Variants in CIP2A observed in about 807,000 individuals in gnomAD.
CIP2A encodes the protein protein CIP2A.
A neutral mutation model predicts 110.9 loss-of-function variants in CIP2A; 103 were observed. The ratio of observed to expected loss-of-function variants is 0.93; its 90% CI spans 0.79 to 1.09. CIP2A has a LOEUF of 1.09. Ranked by LOEUF, CIP2A falls within the 50% of genes least tolerant of loss-of-function variation. The pLI is 0.00. For synonymous variants in CIP2A, 381 were observed against 361.6 expected, an observed-to-expected ratio of 1.05 and a Z score of -0.61; for missense variants, 1,088 against 1,038.4, an observed-to-expected ratio of 1.05 and a Z score of -0.66.
intron 19 of CIP2A, among the ~76,000 whole-genome samples, chr3:108,553,199 C>T (rs1042467512): frequency 2.3e-5 from 3 of 130,528 alleles, no homozygotes; most frequent in South Asian, 2.4e-4. Context: ...GTGAACATAG[C>T]TCACTGCAGC....
chr3:108,567,964 GAA>G (rs943281397), intron 10 of CIP2A, among the ~76,000 whole-genome samples, 189 bp downstream of exon 10: 1 of 151,094 alleles, frequency 6.6e-6, no homozygotes, highest in East Asian at 1.9e-4. Flanking sequence ...GAAAAATAAG[GAA>G]AAAAAATCAT....
chr3:108,552,521 C>A, intron 19 of CIP2A, 148 bp from the exon 20 acceptor site: 1 of 449,860 alleles, frequency 2.2e-6, no homozygotes, highest in Non-Finnish European at 3.8e-6. Flanking sequence ...TAGAAAATAC[C>A]AAATCTCCAT....
chr3:108,569,730 T>A (rs1318986175), intron 8 of CIP2A, 123 bp from the exon 9 acceptor site: 8 of 730,778 alleles, frequency 1.1e-5, no homozygotes, highest in Non-Finnish European at 1.8e-5. Flanking sequence ...AAAACTTAAG[T>A]TTTTTCTTTC....
chr3:108,581,274 G>T, intron 5 of CIP2A, 141 bp downstream of exon 5: 1 of 618,912 alleles, frequency 1.6e-6, no homozygotes, highest in South Asian at 2.2e-5. Context: ...ATGTCAATCT[G>T]ACTCTTAATT....
chr3:108,577,149 T>G (rs187464020), intron 7 of CIP2A, among the ~76,000 whole-genome samples: 2 of 152,312 alleles, frequency 1.3e-5, no homozygotes, highest in East Asian at 3.9e-4. Context: ...AAGTTCTATT[T>G]ATTGTCTGAT....
At chr3:108,576,548 CATTT>C (rs1194083143) in intron 7 of CIP2A, among the ~76,000 whole-genome samples, 1 of 152,078 alleles carries the variant, frequency 6.6e-6, no homozygotes, top group Non-Finnish European at 1.5e-5. Context: ...TTGGCTGTGT[CATTT>C]ATTAAAACAT....
intron 9 of CIP2A, 74 bp downstream of exon 9, chr3:108,569,315 G>C: frequency 9.4e-7 from 1 of 1,069,004 alleles, no homozygotes; most frequent in Non-Finnish European, 1.4e-6. Context: ...AGTTTACAAA[G>C]AATGTTTTTG....
rs749575968 is a variant in CIP2A at position 108,568,285 on chromosome 3, C to A, written c.1143G>T (p.Ser381=). ...EDVIDAANCS[S]ADRFVTLLLP... is the part of the protein sequence containing the mutation. ...GCAGAAGGGTCACAAAACGATCAGCCGAGGAACAGTTAGCAGCATCTATGA... is the reference window on the plus strand; with the variant it reads ...GCAGAAGGGTCACAAAACGATCAGCAGAGGAACAGTTAGCAGCATCTATGA... Residue 381 remains serine (S), a synonymous_variant, in exon 10 of 21, where the codon TCG becomes TCT. Coordinates refer to ENST00000295746, the MANE Select transcript of CIP2A (RefSeq NM_020890.3). 1 of 1,611,816 alleles carries A rather than the reference C, an allele frequency of 6.2e-7. No homozygotes were observed. The highest frequency in any genetic ancestry group is 1.7e-5 in the Admixed American group (1 of 59,824).
At chr3:108,577,151 T>C (rs1455600407) in intron 7 of CIP2A, among the ~76,000 whole-genome samples, 2 of 152,178 alleles carry the variant, frequency 1.3e-5, no homozygotes, top group Non-Finnish European at 2.9e-5. Flanking sequence ...GTTCTATTTA[T>C]TGTCTGATAT....
chr3:108,557,466 T>G (rs371371183), intron 16 of CIP2A, 52 bp from the exon 17 acceptor site: 494 of 1,330,550 alleles, frequency 3.7e-4, no homozygotes, highest in Non-Finnish European at 4.5e-4. Flanking sequence ...TATCATATGC[T>G]CAACACATAC....
rs1937981741 is a variant in CIP2A, at chr3:108,560,803, T to G, written c.1673A>C (p.Gln558Pro). 1 of 1,611,342 alleles carries G rather than the reference T, an allele frequency of 6.2e-7. No homozygotes were observed. The change falls in exon 14 of 21, where the codon CAA becomes CCA. Residue 558 changes from glutamine (Q) to proline (P), a missense_variant. Coordinates refer to ENST00000295746, the MANE Select transcript of CIP2A (RefSeq NM_020890.3). ...ESIAANNAYRQQETEHIPRKM... is the reference protein window; with the variant it reads ...ESIAANNAYRPQETEHIPRKM... ...TCTGGGTATATGTTCTGTTTCCTGT[T>G]GTCTATAGGCATTGTTTGCTGCTAT...
At position 108,559,886 on chromosome 3, in the gene CIP2A, T is replaced by C. The variant is rs1334377259; in HGVS notation, c.1903-19A>G. 3.1e-6 allele frequency: 5 copies of C among 1,594,730 alleles called. No individual in the cohort carries two copies. Among genetic ancestry groups the C allele is most frequent in the South Asian group, 1.1e-5 (1 of 89,356 alleles). ...CTTTGGACTACAAGAAAACATATCA[T>C]TAATTTTCATTTTAGGAATACATCT... On this transcript the variant is annotated intron_variant, in intron 15 of 20. Transcript: ENST00000295746.
At position 108,560,707 on chromosome 3, in the gene CIP2A, T is replaced by C; in HGVS notation, c.1769A>G (p.Asp590Gly). ...TTCAATATTCAATCCAGGAACACCA[T>C]CTTTCAAATGAGGAGTTAAACACTT... ...SIKCLTPHLK[D>G]GVPGLNIEEL... The change falls in exon 14 of 21, where the codon GAT becomes GGT. Residue 590 changes from aspartate to glycine, a missense_variant. Transcript: ENST00000295746. The C allele has an allele frequency of 6.2e-7, 1 of 1,611,070 alleles. No individual in the cohort carries two copies. The highest frequency in any genetic ancestry group is 8.5e-7 in the Non-Finnish European group (1 of 1,178,626).
At position 108,583,059 on chromosome 3, in the gene CIP2A, C is replaced by T. The variant is rs1344585123; in HGVS notation, c.275G>A (p.Cys92Tyr). The change falls in exon 3 of 21, where the codon TGT becomes TAT. Residue 92 changes from cysteine to tyrosine, a missense_variant. Physicochemically the swap from Cys to Tyr is radical, Grantham distance 194. Coordinates refer to ENST00000295746, the MANE Select transcript of CIP2A (RefSeq NM_020890.3). ...ATTCAGATTATATGTATTCTGAAGA[C>T]AATCTCTGGTTTCAATGTCTACTGC... ...QLAVDIETRD[C>Y]LQNTYNLNSV... 2.5e-6 allele frequency: 4 copies of T among 1,598,196 alleles called. No homozygotes were observed. Among genetic ancestry groups the T allele is most frequent in the Non-Finnish European group, 3.4e-6 (4 of 1,171,906 alleles).
chr3:108,564,789 T>C (rs1010337506), intron 12 of CIP2A, among the ~76,000 whole-genome samples: 1 of 151,926 alleles, frequency 6.6e-6, no homozygotes, highest in Admixed American at 6.6e-5. Flanking sequence ...TTTTATAGAA[T>C]GAGGCTGCCA....
intron 8 of CIP2A, among the ~76,000 whole-genome samples, chr3:108,570,497 G>A (rs1358904447): frequency 6.6e-6 from 1 of 152,076 alleles, no homozygotes; most frequent in Non-Finnish European, 1.5e-5. Flanking sequence ...AAACCTAGAT[G>A]GTAGAGCCTA....
In CIP2A at chr3:108,573,500, T is replaced by C. The variant is rs150639421; in HGVS notation, c.894+2771A>G. 8.5e-3 allele frequency among the ~76,000 whole-genome samples: 1,286 copies of C among 152,084 alleles called. 18 individuals are homozygous for C. Among genetic ancestry groups the C allele is most frequent in the African/African-American group, 0.029 (1,219 of 41,534 alleles). The stretch of plus-strand genomic sequence containing the variant: ...ATTCTCTTTCAGGTTTTGATACCCA[T>C]AGAATGCTTCTACTCCCCTGTGCTA... On this transcript the variant is annotated intron_variant, in intron 8 of 20. Transcript: ENST00000295746.
In CIP2A at chr3:108,566,479, TAG is replaced by T. The variant is rs1181891707; in HGVS notation, c.1415+16_1415+17del. On this transcript the variant is annotated intron_variant, in intron 11 of 20. Coordinates refer to ENST00000295746, the MANE Select transcript of CIP2A (RefSeq NM_020890.3). ...TTTTACTGCCTTGCCATTTTGTCAT[TAG>T]AGTTTATATACTCACCATAATTCAG... 1 of 1,578,124 alleles carries T rather than the reference TAG, an allele frequency of 6.3e-7. No individual in the cohort carries two copies. Among genetic ancestry groups the T allele is most frequent in the African/African-American group, 1.4e-5 (1 of 72,568 alleles).
rs569625649 is a variant in CIP2A, at chr3:108,569,301, T to C, written c.1113+88A>G. 3 of 973,684 alleles carry C rather than the reference T, an allele frequency of 3.1e-6. No individual in the cohort carries two copies. The African/African-American group carries it at 4.9e-5, about 16-fold the overall frequency. 60.3% of individuals were successfully genotyped at this position (973,684 alleles called of 1,614,324 possible). On this transcript the variant is annotated intron_variant, in intron 9 of 20. Coordinates refer to ENST00000295746, the MANE Select transcript of CIP2A (RefSeq NM_020890.3). ...AGATGTTTTCCTCAAGTGTATGAAC[T>C]GTAAGTTTACAAAGAATGTTTTTGA...
Sources: gnomAD v4.1 joint callset for allele counts (sites outside exome capture counted in the v4.1 genomes callset) on GRCh38, gnomAD v4.1.1 for gene constraint, MANE v1.5 for transcripts, NCBI Gene and HGNC (gene_info 2026-07-23, HGNC 2026-07-21) for gene names.